PAN3: variants seen among roughly 807,000 people sequenced by gnomAD.
PAN3 encodes the protein poly(A) specific ribonuclease subunit PAN3, also known as PAN2-PAN3 deadenylation complex subunit PAN3.
In PAN3, 19 loss-of-function variants were observed where a neutral mutation model predicts 96.2. The ratio of observed to expected loss-of-function variants is 0.20; its 90% confidence interval spans 0.14 to 0.29. The LOEUF is 0.29. Ranked by LOEUF, PAN3 falls within the 10% of genes least tolerant of loss-of-function variation. The pLI is 1.00. For missense variants in PAN3, 882 were observed against 1,108.1 expected, an observed-to-expected ratio of 0.80 and a Z score of 2.90; for synonymous variants, 433 against 406.6, an observed-to-expected ratio of 1.06 and a Z score of -0.78.
intron 6 of PAN3, among the ~76,000 whole-genome samples, chr13:28,245,489 C>G (rs1313097043): frequency 6.6e-6 from 1 of 151,962 alleles, no homozygotes; most frequent in African/African-American, 2.4e-5. Context: ...TCCCTACCCC[C>G]AAGCAGTGAT....
chr13:28,167,420 T>G (rs963782017), intron 1 of PAN3, among the ~76,000 whole-genome samples: 4 of 152,052 alleles, frequency 2.6e-5, no homozygotes, highest in African/African-American at 7.2e-5. Context: ...GTCGGCCTCC[T>G]AAAGTGTTGG....
chr13:28,244,116 T>G (rs1174707991), intron 6 of PAN3, among the ~76,000 whole-genome samples: 1 of 152,224 alleles, frequency 6.6e-6, no homozygotes, highest in Non-Finnish European at 1.5e-5. Context: ...AATTTGTTCA[T>G]TTTCCACTGC....
chr13:28,168,651 G>A (rs531131965), intron 1 of PAN3, among the ~76,000 whole-genome samples: 6 of 150,768 alleles, frequency 4.0e-5, no homozygotes, highest in East Asian at 2.0e-4. Context: ...CCCGGGAGGC[G>A]GAGGTTGCAG....
At chr13:28,235,190 A>G (rs1256053210) in intron 6 of PAN3, among the ~76,000 whole-genome samples, 1 of 151,994 alleles carries the variant, frequency 6.6e-6, no homozygotes, top group African/African-American at 2.4e-5. Flanking sequence ...CATTCCTTCC[A>G]TGGCTGGTTC....
chr13:28,145,498 T>G (rs1870514087), intron 1 of PAN3, among the ~76,000 whole-genome samples: 1 of 151,918 alleles, frequency 6.6e-6, no homozygotes, highest in Admixed American at 6.6e-5. Flanking sequence ...CTAATTTCTT[T>G]GCCTTTTTAG....
chr13:28,167,031 TC>T (rs1471182073), intron 1 of PAN3, among the ~76,000 whole-genome samples: 1 of 152,086 alleles, frequency 6.6e-6, no homozygotes, highest in African/African-American at 2.4e-5. Flanking sequence ...ATCAGTTGCT[TC>T]CTTTTATCTA....
intron 5 of PAN3, chr13:28,215,642 G>T: frequency 7.6e-7 from 1 of 1,321,610 alleles, no homozygotes; most frequent in Non-Finnish European, 1.1e-6. Context: ...TGAAGGTAAA[G>T]ATTTATTGCC....
At chr13:28,262,793 A>G (rs1191439660) in intron 9 of PAN3, among the ~76,000 whole-genome samples, 2 of 152,254 alleles carry the variant, frequency 1.3e-5, no homozygotes, top group African/African-American at 2.4e-5. Flanking sequence ...ACTTCAAAAT[A>G]TAATTAAAAG....
intron 6 of PAN3, among the ~76,000 whole-genome samples, chr13:28,247,935 GT>G (rs1014277686): frequency 1.3e-5 from 2 of 151,986 alleles, no homozygotes; most frequent in Non-Finnish European, 2.9e-5. Flanking sequence ...ATTTTGTATT[GT>G]TTTTTCTGTT....
At chr13:28,147,992 G>C (rs186642329) in intron 1 of PAN3, among the ~76,000 whole-genome samples, 96 of 151,618 alleles carry the variant, frequency 6.3e-4, no homozygotes, top group African/African-American at 2.3e-3. Flanking sequence ...GTCTTGCTCT[G>C]TTTCCCATGC....
chr13:28,194,477 T>A (rs1248448279), intron 4 of PAN3, among the ~76,000 whole-genome samples: 3 of 142,666 alleles, frequency 2.1e-5, no homozygotes, highest in African/African-American at 7.8e-5. Context: ...TTTTTTTTTT[T>A]TTTTTTTTGT....
intron 6 of PAN3, among the ~76,000 whole-genome samples, chr13:28,239,173 ACACACACACACACACGCATGCACACACG>A (rs1159556208): frequency 4.9e-4 from 46 of 93,908 alleles, no homozygotes; most frequent in African/African-American, 1.6e-3. Context: ...ACACACACAC[ACACACACACACACACGCATGCACACACG>A]CACACACACA....
intron 5 of PAN3, among the ~76,000 whole-genome samples, chr13:28,217,316 T>C (rs1880901889): frequency 6.6e-6 from 1 of 151,898 alleles, no homozygotes; most frequent in African/African-American, 2.4e-5. Flanking sequence ...GCACAGTGGC[T>C]CACGCCTGTA....
chr13:28,267,841 G>A (rs1167818986), intron 12 of PAN3, among the ~76,000 whole-genome samples: 1 of 152,108 alleles, frequency 6.6e-6, no homozygotes, highest in Non-Finnish European at 1.5e-5. Context: ...GGGAATTATG[G>A]GAGTTACAAT....
intron 17 of PAN3, among the ~76,000 whole-genome samples, chr13:28,286,849 T>C (rs1262775718): frequency 6.6e-6 from 1 of 152,200 alleles, no homozygotes; most frequent in Non-Finnish European, 1.5e-5. Context: ...TAAAACCATA[T>C]GGTGAACTTC....
At chr13:28,186,440 C>T (rs1464529323) in intron 4 of PAN3, among the ~76,000 whole-genome samples, 1 of 152,094 alleles carries the variant, frequency 6.6e-6, no homozygotes, top group Non-Finnish European at 1.5e-5. Flanking sequence ...CGCTATGTCC[C>T]AGAATTATGT....
Position 28,257,671 on chromosome 13 carries a change from TAA to T in PAN3, c.1248+1134_1248+1135del, listed in dbSNP as rs532384411. 3.5e-3 allele frequency among the ~76,000 whole-genome samples: 495 copies of T among 141,862 alleles called. 2 individuals are homozygous for T. Among genetic ancestry groups the T allele is most frequent in the African/African-American group, 0.012 (472 of 38,654 alleles). The allele number at this position is 141,862 out of a possible 152,430, so 93.1% of individuals were successfully genotyped here. On this transcript the variant is annotated intron_variant, in intron 7 of 18. Transcript: ENST00000380958. ...AATACATATATATTTTATATATATG[TAA>T]AGTTATTAAATTATATAAATATATA...
At chr13:28,139,327 G>A (rs982121788) in intron 1 of PAN3, among the ~76,000 whole-genome samples, 1 of 138,342 alleles carries the variant, frequency 7.2e-6, no homozygotes, top group Non-Finnish European at 1.6e-5. Context: ...TGGGTGGGAG[G>A]ACTGGGGTGA....
intron 1 of PAN3, among the ~76,000 whole-genome samples, chr13:28,168,301 A>C (rs551475790): frequency 6.6e-6 from 1 of 152,216 alleles, no homozygotes; most frequent in Non-Finnish European, 1.5e-5. Context: ...AAAATCTTCC[A>C]GTGAGCATTT....
Sources: gnomAD v4.1 joint callset for allele counts (sites outside exome capture counted in the v4.1 genomes callset) on GRCh38, gnomAD v4.1.1 for gene constraint, MANE v1.5 for transcripts, NCBI Gene and HGNC (gene_info 2026-07-23, HGNC 2026-07-21) for gene names.